Variants in CNTNAP2 observed in about 807,000 individuals in gnomAD.
The protein encoded by CNTNAP2 is contactin-associated protein-like 2.
In CNTNAP2, 98 loss-of-function variants were observed where a neutral mutation model predicts 155.2. The observed-to-expected ratio is 0.63, with a 90% CI of 0.54 to 0.75. The LOEUF is 0.75. Among genes scored for constraint, CNTNAP2 ranks in the 30% least tolerant of loss-of-function variants. The pLI, the probability that CNTNAP2 is intolerant of heterozygous loss-of-function variation, is 0.00. For missense variants in CNTNAP2, 1,727 were observed against 1,688.1 expected, an observed-to-expected ratio of 1.02 and a Z score of -0.40; for synonymous variants, 651 against 631.2, an observed-to-expected ratio of 1.03 and a Z score of -0.47.
chr7:148,413,404 ATATATATATATATATATATATATAT>A (rs1799895923), intron 23 of CNTNAP2, among the ~76,000 whole-genome samples: 1 of 24,640 alleles, frequency 4.1e-5, no homozygotes, highest in African/African-American at 1.3e-4. Context: ...AAAAAAAAAT[ATATATATATATATATATATATATAT>A]ATATATATAT....
intron 3 of CNTNAP2, among the ~76,000 whole-genome samples, chr7:146,930,244 C>G (rs1796717057): frequency 1.3e-5 from 2 of 152,132 alleles, no homozygotes; most frequent in African/African-American, 2.4e-5. Context: ...GATCTCTCGG[C>G]AGAAACTCTA....
chr7:147,683,141 A>G (rs1407142681), intron 13 of CNTNAP2, among the ~76,000 whole-genome samples: 1 of 151,878 alleles, frequency 6.6e-6, no homozygotes, highest in Non-Finnish European at 1.5e-5. Flanking sequence ...AATATATAAC[A>G]TTTACTAATA....
intron 1 of CNTNAP2, among the ~76,000 whole-genome samples, chr7:146,679,577 G>C (rs1387066691): frequency 1.3e-5 from 2 of 151,844 alleles, no homozygotes; most frequent in African/African-American, 2.4e-5. Context: ...GGCTGGTCTC[G>C]AACGCCTGAC....
At chr7:147,838,808 C>T (rs1223331755) in intron 13 of CNTNAP2, among the ~76,000 whole-genome samples, 1 of 152,200 alleles carries the variant, frequency 6.6e-6, no homozygotes, top group African/African-American at 2.4e-5. Flanking sequence ...CTATTCCAAC[C>T]TCTGCCTGTT....
chr7:147,411,763 G>A (rs1797106405), intron 10 of CNTNAP2, among the ~76,000 whole-genome samples: 1 of 152,102 alleles, frequency 6.6e-6, no homozygotes, highest in Non-Finnish European at 1.5e-5. Flanking sequence ...TTGCAAGATA[G>A]ACTGAGAATT....
intron 10 of CNTNAP2, among the ~76,000 whole-genome samples, chr7:147,439,262 T>C (rs942294691): frequency 1.2e-4 from 18 of 152,042 alleles, no homozygotes; most frequent in Admixed American, 1.0e-3. Flanking sequence ...TTTTGTCATA[T>C]ACCATAGGTT....
At chr7:147,838,914 A>G (rs1447958832) in intron 13 of CNTNAP2, among the ~76,000 whole-genome samples, 1 of 152,076 alleles carries the variant, frequency 6.6e-6, no homozygotes, top group Non-Finnish European at 1.5e-5. Flanking sequence ...CTCTAGAGGG[A>G]CAGAACTGAT....
At chr7:146,716,232 A>G (rs894557974) in intron 1 of CNTNAP2, among the ~76,000 whole-genome samples, 13 of 150,608 alleles carry the variant, frequency 8.6e-5, no homozygotes, top group Non-Finnish European at 1.5e-4. Flanking sequence ...AAAAAAAAAA[A>G]GGCATGTTTT....
chr7:146,942,080 G>C (rs373075727), intron 3 of CNTNAP2, among the ~76,000 whole-genome samples: 1 of 151,814 alleles, frequency 6.6e-6, no homozygotes, highest in Non-Finnish European at 1.5e-5. Context: ...CTTTAAATAT[G>C]CTTTCTATTC....
In CNTNAP2 at chr7:146,961,349, C is replaced by T. The variant is rs144924698; in HGVS notation, c.403-82558C>T. Among the ~76,000 whole-genome samples the T allele has an allele frequency of 7.4e-4, 112 of 152,260 alleles. No homozygotes were observed. The East Asian group carries it at 0.014, about 19-fold the overall frequency. ...AGCCCACATGTAGGGACCTAAATAA[C>T]GCTGGTCAGGGTCTTGGGTCTACCT... is the stretch of plus-strand genomic sequence containing the variant. On this transcript the variant is annotated intron_variant, in intron 3 of 23. Transcript: ENST00000361727.
chr7:146,708,700 A>G (rs1801009871), intron 1 of CNTNAP2, among the ~76,000 whole-genome samples: 1 of 129,186 alleles, frequency 7.7e-6, no homozygotes, highest in Admixed American at 9.7e-5. Flanking sequence ...GGGTTCAAGT[A>G]TTCTCCTGCC....
intron 13 of CNTNAP2, among the ~76,000 whole-genome samples, chr7:147,883,749 C>T (rs1045830114): frequency 3.3e-5 from 5 of 151,790 alleles, no homozygotes; most frequent in African/African-American, 1.2e-4. Flanking sequence ...AATTTATTTT[C>T]TCTTTTTTCT....
At chr7:148,229,548 GAAGA>G (rs1795921147) in intron 19 of CNTNAP2, 94 bp from the exon 20 acceptor site, 3 of 1,451,832 alleles carry the variant, frequency 2.1e-6, no homozygotes, top group Non-Finnish European at 2.9e-6. Flanking sequence ...GAAAAGAAAG[GAAGA>G]AAGAAAGAAT....
At chr7:146,786,334 C>T (rs1306953396) in intron 2 of CNTNAP2, among the ~76,000 whole-genome samples, 4 of 152,194 alleles carry the variant, frequency 2.6e-5, no homozygotes, top group Non-Finnish European at 5.9e-5. Flanking sequence ...GCAACCGGCT[C>T]AGGTCATACT....
intron 3 of CNTNAP2, among the ~76,000 whole-genome samples, chr7:146,993,687 AT>A (rs1798252115): frequency 6.6e-6 from 1 of 152,006 alleles, no homozygotes; most frequent in African/African-American, 2.4e-5. Context: ...TGTCATGATG[AT>A]TTTACAGGTG....
At chr7:146,170,409 G>T (rs866166455) in intron 1 of CNTNAP2, among the ~76,000 whole-genome samples, 16 of 151,912 alleles carry the variant, frequency 1.1e-4, no homozygotes, top group African/African-American at 3.6e-4. Flanking sequence ...AGGGCACAAG[G>T]GTTCCCTTTT....
chr7:147,637,679 C>T (rs1397595216), intron 12 of CNTNAP2, among the ~76,000 whole-genome samples: 1 of 152,082 alleles, frequency 6.6e-6, no homozygotes, highest in Non-Finnish European at 1.5e-5. Flanking sequence ...TCCTCTCTCC[C>T]TTATAAATTC....
chr7:146,647,345 AT>A (rs1318339740), intron 1 of CNTNAP2, among the ~76,000 whole-genome samples: 1 of 147,164 alleles, frequency 6.8e-6, no homozygotes, highest in Non-Finnish European at 1.5e-5. Flanking sequence ...GAAGAAAAAA[AT>A]AATCTTATAT....
At chr7:146,516,238 A>G (rs1797539368) in intron 1 of CNTNAP2, among the ~76,000 whole-genome samples, 1 of 152,046 alleles carries the variant, frequency 6.6e-6, no homozygotes, top group Non-Finnish European at 1.5e-5. Flanking sequence ...AATGGGGGAA[A>G]AAAGCACATG....
Sources: allele counts gnomAD v4.1 joint callset (sites outside exome capture counted in the v4.1 genomes callset), GRCh38; gene constraint gnomAD v4.1.1; transcripts MANE v1.5; gene names NCBI Gene and HGNC (gene_info 2026-07-23, HGNC 2026-07-21).